The following ARHGAP23 variants were observed in gnomAD, a reference collection of about 807,000 sequenced individuals.
ARHGAP23 encodes the protein Rho GTPase activating protein 23, also known as rho GTPase-activating protein 23.
A neutral mutation model predicts 136.3 loss-of-function variants in ARHGAP23; 34 were observed. The ratio of observed to expected loss-of-function variants is 0.25; its 90% CI spans 0.19 to 0.33. The LOEUF is 0.33. Among genes scored for constraint, ARHGAP23 ranks in the 10% least tolerant of loss-of-function variants. The pLI, the probability that ARHGAP23 is intolerant of heterozygous loss-of-function variation, is 1.00. For synonymous variants in ARHGAP23, 832 were observed against 920.5 expected, an observed-to-expected ratio of 0.90 and a Z score of 1.74; for missense variants, 1,808 against 2,139.0, an observed-to-expected ratio of 0.85 and a Z score of 3.05.
intron 1 of ARHGAP23, among the ~76,000 whole-genome samples, chr17:38,443,256 G>T (rs1326168341): frequency 1.3e-5 from 2 of 152,194 alleles, no homozygotes; most frequent in Non-Finnish European, 2.9e-5. Flanking sequence ...CACCCAACCC[G>T]GTGGAGAGCC....
intron 10 of ARHGAP23, among the ~76,000 whole-genome samples, chr17:38,470,681 C>T (rs1320121971): frequency 4.6e-5 from 7 of 151,996 alleles, no homozygotes; most frequent in Non-Finnish European, 2.9e-5. Flanking sequence ...GGATTACAGG[C>T]GTGTGCCACC....
intron 11 of ARHGAP23, among the ~76,000 whole-genome samples, chr17:38,475,688 T>A (rs1258565478): frequency 6.6e-6 from 1 of 152,224 alleles, no homozygotes; most frequent in East Asian, 1.9e-4. Flanking sequence ...CCAAGGATCA[T>A]TAATTCATTT....
intron 1 of ARHGAP23, among the ~76,000 whole-genome samples, chr17:38,420,930 T>TA (rs2038514339): frequency 6.6e-6 from 1 of 152,170 alleles, no homozygotes; most frequent in African/African-American, 2.4e-5. Flanking sequence ...GGATTTTTTT[T>TA]TAAAAGAGGG....
chr17:38,426,395 A>T (rs185043132), upstream of ARHGAP23, among the ~76,000 whole-genome samples: 292 of 151,948 alleles, frequency 1.9e-3, 2 homozygotes, highest in African/African-American at 5.5e-3. Flanking sequence ...ACAAAAAATT[A>T]AAAAATTAGC....
chr17:38,478,850 C>T (rs2039962683), intron 12 of ARHGAP23, among the ~76,000 whole-genome samples: 2 of 152,178 alleles, frequency 1.3e-5, no homozygotes, highest in Non-Finnish European at 2.9e-5. Context: ...GTCATGTGGG[C>T]GTCCCAGGCC....
chr17:38,489,300 T>C (rs1459221122), intron 17 of ARHGAP23, among the ~76,000 whole-genome samples: 1 of 152,234 alleles, frequency 6.6e-6, no homozygotes, highest in African/African-American at 2.4e-5. Context: ...CCAGTGCTTT[T>C]ATAATTTTCA....
intron 1 of ARHGAP23, among the ~76,000 whole-genome samples, chr17:38,419,588 A>G (rs1034484174): frequency 6.6e-6 from 1 of 150,796 alleles, no homozygotes; most frequent in African/African-American, 2.5e-5. Flanking sequence ...GCTCACACAC[A>G]CACACACACA....
In ARHGAP23 at chr17:38,445,833, C is replaced by T. The variant is rs2039019924; in HGVS notation, c.64-12269C>T. Reference sequence around the variant, plus strand: ...ATTTTTTGTAGAGACAGGGTTTCACCGTGTCGTCCAGGCTGGCCCTGGACT... The same window carrying T: ...ATTTTTTGTAGAGACAGGGTTTCACTGTGTCGTCCAGGCTGGCCCTGGACT... On this transcript the variant is annotated intron_variant, in intron 1 of 23. Coordinates refer to ENST00000622683, the MANE Select transcript of ARHGAP23 (RefSeq NM_001199417.2). Among the ~76,000 whole-genome samples, 3 of 151,940 alleles carry T rather than the reference C, an allele frequency of 2.0e-5. No homozygotes were observed. In the South Asian group the frequency reaches 6.3e-4, roughly 32 times the overall value.
intron 20 of ARHGAP23, among the ~76,000 whole-genome samples, chr17:38,495,908 T>C (rs1056513033): frequency 2.3e-5 from 2 of 85,796 alleles, no homozygotes; most frequent in South Asian, 3.6e-4. Flanking sequence ...ATTCATTTAT[T>C]TTTTTTGAGA....
Position 38,509,936 on chromosome 17 carries a change from C to T in ARHGAP23, c.3448-8C>T, listed in dbSNP as rs761318655. 1.9e-4 allele frequency: 243 copies of T among 1,248,770 alleles called. 2 individuals are homozygous for T. Among genetic ancestry groups the T allele is most frequent in the Non-Finnish European group, 6.0e-5 (59 of 990,452 alleles). The allele number at this position is 1,248,770 out of a possible 1,614,324, so 77.4% of individuals were successfully genotyped here. On this transcript the variant is annotated splice_region_variant and splice_polypyrimidine_tract_variant and intron_variant, in intron 23 of 23. Transcript: ENST00000622683. Reference sequence around the variant, plus strand: ...CGCCCCCCGCATCCTGACCTGTCTCCCACACAGGGTTCGTGGGCCCCCAAG... The same window carrying T: ...CGCCCCCCGCATCCTGACCTGTCTCTCACACAGGGTTCGTGGGCCCCCAAG...
At chr17:38,452,124 C>T (rs934703808) in intron 1 of ARHGAP23, among the ~76,000 whole-genome samples, 3 of 152,124 alleles carry the variant, frequency 2.0e-5, no homozygotes, top group Admixed American at 6.5e-5. Context: ...CCCTTGATCC[C>T]GACCTCCCTC....
rs1207217770 is a variant in ARHGAP23 at position 38,466,247 on chromosome 17, C to T, written c.564C>T (p.Ile188=). The change falls in exon 7 of 24, where the codon ATC becomes ATT. Residue 188 remains isoleucine, a synonymous_variant. Coordinates refer to ENST00000622683, the MANE Select transcript of ARHGAP23 (RefSeq NM_001199417.2). ...EARSIPEPPP[I]CYPRKTYAPP... ...GCAGCATCCCAGAGCCACCCCCGAT[C>T]TGCTACCCCCGCAAGACCTACGCCC... 7 of 1,547,506 alleles carry T rather than the reference C, an allele frequency of 4.5e-6. No homozygotes were observed. The highest frequency in any genetic ancestry group is 5.2e-6 in the Non-Finnish European group (6 of 1,145,650).
chr17:38,435,111 G>A (rs1417384775), intron 1 of ARHGAP23, among the ~76,000 whole-genome samples: 2 of 152,230 alleles, frequency 1.3e-5, no homozygotes, highest in Admixed American at 6.5e-5. Context: ...GCCTCATGGG[G>A]AAACTGAGGC....
At chr17:38,439,329 G>A (rs1281861419) in intron 1 of ARHGAP23, among the ~76,000 whole-genome samples, 3 of 151,814 alleles carry the variant, frequency 2.0e-5, no homozygotes, top group East Asian at 1.9e-4. Context: ...AATATCTTCC[G>A]TAAAGCCTCC....
upstream of ARHGAP23, among the ~76,000 whole-genome samples, chr17:38,427,802 T>G (rs1279144436): frequency 6.6e-6 from 1 of 152,164 alleles, no homozygotes; most frequent in African/African-American, 2.4e-5. Flanking sequence ...GGGCTGAGAC[T>G]CTGGCTGGGA....
At position 38,463,142 on chromosome 17, in the gene ARHGAP23, G is replaced by A. The variant is rs1237190606; in HGVS notation, c.374G>A (p.Gly125Glu). 1.3e-6 allele frequency: 2 copies of A among 1,551,540 alleles called. No homozygotes were observed. Among genetic ancestry groups the A allele is most frequent in the Non-Finnish European group, 1.7e-6 (2 of 1,146,904 alleles). ...GGAGACCGGCTGGTAAAGGTGAATG[G>A]GGAAAGCGTCATTGGGAAGACCTAC... ...RTGDRLVKVNGESVIGKTYSQ... is the reference protein window; with the variant it reads ...RTGDRLVKVNEESVIGKTYSQ... Residue 125 changes from glycine (G) to glutamate (E), a missense_variant, in exon 5 of 24, where the codon GGG (glycine) becomes GAG (glutamate). By Grantham distance (98) the Gly-to-Glu change is moderately conservative. Around this residue, in one of 7 missense-constraint regions of ARHGAP23, gnomAD observed 859 missense variants for 936.4 expected, o/e 0.92. Coordinates refer to ENST00000622683, the MANE Select transcript of ARHGAP23 (RefSeq NM_001199417.2).
At chr17:38,454,827 C>A (rs1299141409) in intron 1 of ARHGAP23, among the ~76,000 whole-genome samples, 1 of 152,244 alleles carries the variant, frequency 6.6e-6, no homozygotes, top group African/African-American at 2.4e-5. Context: ...CTGGTGCTGC[C>A]AACCCACCAC....
rs965144107 is a variant in ARHGAP23 at position 38,467,043 on chromosome 17, T to C, written c.1360T>C (p.Ser454Pro). The C allele has an allele frequency of 1.7e-5, 26 of 1,550,882 alleles. No individual in the cohort carries two copies. The East Asian group carries it at 5.6e-4, about 34-fold the overall frequency. Reference sequence around the variant, plus strand: ...GCTGCCTACCTTCAACCTGGCCCAGTCCCCTGCGTCATTCCCACCAGAGGC... The same window carrying C: ...GCTGCCTACCTTCAACCTGGCCCAGCCCCCTGCGTCATTCCCACCAGAGGC... ...GGLPTFNLAQ[S>P]PASFPPEASE... The change falls in exon 7 of 24, where the codon TCC becomes CCC. Residue 454 changes from serine to proline, a missense_variant. By Grantham distance (74) the Ser-to-Pro change is moderately conservative. Transcript: ENST00000622683.
At chr17:38,464,213 C>T (rs1297174504) in intron 6 of ARHGAP23, among the ~76,000 whole-genome samples, 2 of 152,196 alleles carry the variant, frequency 1.3e-5, no homozygotes, top group Non-Finnish European at 1.5e-5. Flanking sequence ...ACCTAGAAGA[C>T]AGCATCCAGC....
Sources: allele counts gnomAD v4.1 joint callset (sites outside exome capture counted in the v4.1 genomes callset), GRCh38; gene constraint gnomAD v4.1.1; regional missense constraint gnomAD v4.1.1; transcripts MANE v1.5; gene names NCBI Gene and HGNC (gene_info 2026-07-23, HGNC 2026-07-21).